Variants in EPC2 observed in about 807,000 individuals in gnomAD.
EPC2 encodes enhancer of polycomb homolog 2.
In EPC2, 14 loss-of-function variants were observed where a neutral mutation model predicts 92.1. The ratio of observed to expected loss-of-function variants is 0.15; its 90% CI spans 0.10 to 0.24. EPC2 has a LOEUF of 0.24. Among genes scored for constraint, EPC2 ranks in the 10% least tolerant of loss-of-function variants. The probability of loss-of-function intolerance (pLI) is 1.00; values close to 1 mark genes in which losing one functional copy is unlikely to be tolerated. For synonymous variants in EPC2, 340 were observed against 334.7 expected (o/e 1.02, Z -0.17); for missense variants, 755 against 971.5 (o/e 0.78, Z 2.96).
chr2:148,742,934 T>G (rs1416853590), intron 2 of EPC2, among the ~76,000 whole-genome samples: 1 of 152,142 alleles, frequency 6.6e-6, no homozygotes, highest in Non-Finnish European at 1.5e-5. Flanking sequence ...ATAGTACATC[T>G]TTTTCTTTTT....
Position 148,769,231 on chromosome 2 carries a change from G to T in EPC2, c.1221G>T (p.Gln407His), listed in dbSNP as rs972522506. 3 of 1,607,786 alleles carry T rather than the reference G, an allele frequency of 1.9e-6. No homozygotes were observed. Among genetic ancestry groups the T allele is most frequent in the Non-Finnish European group, 2.5e-6 (3 of 1,176,794 alleles). ...CTTTCAGAAGGCGGGCAGGATGCCA[G>T]TATTATGCTGTAAGAACTTTTGTGT... ...PCAFRRRAGC[Q>H]YYAPRLDQAN... Residue 407 changes from glutamine to histidine, a missense_variant, in exon 8 of 14, where the codon CAG (glutamine) becomes CAT (histidine). By Grantham distance (24) the Gln-to-His change is conservative. Coordinates refer to ENST00000258484, the MANE Select transcript of EPC2 (RefSeq NM_015630.4).
intron 2 of EPC2, among the ~76,000 whole-genome samples, chr2:148,706,202 CA>C (rs1322782361): frequency 6.6e-6 from 1 of 152,102 alleles, no homozygotes; most frequent in African/African-American, 2.4e-5. Flanking sequence ...CTTCGTGATG[CA>C]TTCATAAGCT....
chr2:148,699,533 C>G (rs917278965), intron 2 of EPC2, among the ~76,000 whole-genome samples: 1 of 152,180 alleles, frequency 6.6e-6, no homozygotes, highest in African/African-American at 2.4e-5. Flanking sequence ...TTATATAATA[C>G]ATAGCCTTTT....
At chr2:148,736,394 T>C (rs1329701581) in intron 2 of EPC2, among the ~76,000 whole-genome samples, 1 of 152,158 alleles carries the variant, frequency 6.6e-6, no homozygotes, top group African/African-American at 2.4e-5. Context: ...AAAACTAAAA[T>C]GTGGTAGGGT....
chr2:148,684,594 CTGTT>C (rs1681476129), intron 1 of EPC2, among the ~76,000 whole-genome samples: 1 of 152,202 alleles, frequency 6.6e-6, no homozygotes, highest in Admixed American at 6.5e-5. Flanking sequence ...TTGATACCAA[CTGTT>C]TGGTAATATT....
At chr2:148,764,850 C>A in intron 6 of EPC2, 105 bp from the exon 7 acceptor site, 1 of 871,314 alleles carries the variant, frequency 1.1e-6, no homozygotes, top group Admixed American at 4.2e-5. Flanking sequence ...ATAAAATCAC[C>A]TCCTGGGTAA....
chr2:148,761,728 C>G lies in EPC2; in HGVS notation c.667-54C>G, dbSNP rs566315586. On this transcript the variant is annotated intron_variant, in intron 4 of 13. Transcript: ENST00000258484. ...CTGATAAGAGTTTATTGAATAAAGCCGGAAATGTAGATAACTGTGTTGTTT... is the reference window on the plus strand; with the variant it reads ...CTGATAAGAGTTTATTGAATAAAGCGGGAAATGTAGATAACTGTGTTGTTT... 10 of 1,251,782 alleles carry G rather than the reference C, an allele frequency of 8.0e-6. No individual in the cohort carries two copies. In the East Asian group the frequency reaches 2.3e-4, roughly 29 times the overall value. 77.5% of individuals were successfully genotyped at this position (1,251,782 alleles called of 1,614,324 possible). A position where few individuals can be genotyped will look rare whatever the true frequency, so the allele number is the denominator to read the frequency against.
At chr2:148,722,992 A>G (rs964035784) in intron 2 of EPC2, among the ~76,000 whole-genome samples, 3 of 152,174 alleles carry the variant, frequency 2.0e-5, no homozygotes, top group Non-Finnish European at 2.9e-5. Context: ...ATGGATACAA[A>G]GAAGGGAACA....
intron 1 of EPC2, among the ~76,000 whole-genome samples, chr2:148,655,749 A>C (rs1327547245): frequency 3.9e-5 from 6 of 152,160 alleles, no homozygotes; most frequent in Non-Finnish European, 7.4e-5. Flanking sequence ...TGGCAATCTC[A>C]TTCCTGTGTC....
At chr2:148,670,194 C>G (rs948656629) in intron 1 of EPC2, among the ~76,000 whole-genome samples, 1 of 152,164 alleles carries the variant, frequency 6.6e-6, no homozygotes, top group African/African-American at 2.4e-5. Context: ...AGCCATAGGG[C>G]TTACCTCATT....
chr2:148,652,702 G>T (rs1680713184), intron 1 of EPC2, among the ~76,000 whole-genome samples: 3 of 152,206 alleles, frequency 2.0e-5, no homozygotes, highest in Non-Finnish European at 4.4e-5. Flanking sequence ...ATATTGGGAA[G>T]AAATTAATGC....
intron 7 of EPC2, among the ~76,000 whole-genome samples, chr2:148,768,915 A>G (rs943834380): frequency 6.6e-6 from 1 of 152,238 alleles, no homozygotes; most frequent in Non-Finnish European, 1.5e-5. Flanking sequence ...TTTAGAAGCA[A>G]TCAAGCAATA....
At chr2:148,674,730 G>C (rs2105362620) in intron 1 of EPC2, among the ~76,000 whole-genome samples, 1 of 152,346 alleles carries the variant, frequency 6.6e-6, no homozygotes, top group African/African-American at 2.4e-5. Context: ...CTTGGGGGAA[G>C]GGCTTATGGC....
chr2:148,724,353 T>A (rs907735276), intron 2 of EPC2, among the ~76,000 whole-genome samples: 1 of 152,290 alleles, frequency 6.6e-6, no homozygotes, highest in East Asian at 1.9e-4. Flanking sequence ...GATAATAGCA[T>A]GTCCATCATC....
chr2:148,676,366 T>C (rs1327552558), intron 1 of EPC2, among the ~76,000 whole-genome samples: 3 of 152,038 alleles, frequency 2.0e-5, no homozygotes, highest in Non-Finnish European at 4.4e-5. Context: ...TCAAAGTACC[T>C]ATAAGAAGTG....
intron 1 of EPC2, among the ~76,000 whole-genome samples, chr2:148,646,202 G>A (rs1199781446): frequency 6.6e-6 from 1 of 152,150 alleles, no homozygotes; most frequent in Non-Finnish European, 1.5e-5. Flanking sequence ...TGGTTCTCTT[G>A]CTTCAGTGAC....
intron 1 of EPC2, among the ~76,000 whole-genome samples, chr2:148,681,345 G>A (rs561766615): frequency 5.9e-5 from 9 of 152,246 alleles, no homozygotes; most frequent in African/African-American, 2.2e-4. Flanking sequence ...AGGAGAAGTA[G>A]GGGATTGTTA....
chr2:148,699,977 A>G (rs1016061547), intron 2 of EPC2, among the ~76,000 whole-genome samples: 1 of 152,190 alleles, frequency 6.6e-6, no homozygotes, highest in African/African-American at 2.4e-5. Context: ...CCCTGATAAC[A>G]TAAGATGTTG....
chr2:148,690,124 G>A, intron 1 of EPC2, 90 bp from the exon 2 acceptor site: 3 of 1,242,342 alleles, frequency 2.4e-6, no homozygotes, highest in Non-Finnish European at 3.3e-6. Context: ...AAAGCACTTT[G>A]TGATTATTAA....
Sources: allele counts gnomAD v4.1 joint callset (sites outside exome capture counted in the v4.1 genomes callset), GRCh38; gene constraint gnomAD v4.1.1; transcripts MANE v1.5; gene names NCBI Gene and HGNC (gene_info 2026-07-23, HGNC 2026-07-21).